Variants in THEM4 observed in about 807,000 individuals in gnomAD.
THEM4 encodes thioesterase superfamily member 4.
In THEM4, 22 loss-of-function variants were observed where a neutral mutation model predicts 25.0. The ratio of observed to expected loss-of-function variants is 0.88; its 90% CI spans 0.63 to 1.26. THEM4 has a LOEUF of 1.26. Among genes scored for constraint, THEM4 ranks in the 50% most tolerant of loss-of-function variants. The pLI, the probability that THEM4 is intolerant of heterozygous loss-of-function variation, is 0.00. For missense variants in THEM4, 286 were observed against 300.3 expected (o/e 0.95, Z 0.35); for synonymous variants, 113 against 105.6 (o/e 1.07, Z -0.43).
At chr1:151,906,321 C>T (rs570846244) in intron 1 of THEM4, among the ~76,000 whole-genome samples, 12 of 152,368 alleles carry the variant, frequency 7.9e-5, no homozygotes, top group South Asian at 2.1e-4. Flanking sequence ...CCAGCAGTGC[C>T]GGCCCACTGG....
At chr1:151,883,772 T>C (rs1653899527) in intron 4 of THEM4, among the ~76,000 whole-genome samples, 1 of 151,380 alleles carries the variant, frequency 6.6e-6, no homozygotes, top group South Asian at 2.1e-4. Context: ...TGGCCTTAAC[T>C]GTGCATTTTA....
At chr1:151,888,040 T>G (rs1229393522) in intron 4 of THEM4, among the ~76,000 whole-genome samples, 1 of 152,214 alleles carries the variant, frequency 6.6e-6, no homozygotes, top group Non-Finnish European at 1.5e-5. Flanking sequence ...AATTTCATTC[T>G]AGAGCTCTCT....
intron 1 of THEM4, among the ~76,000 whole-genome samples, chr1:151,898,205 C>T (rs560849881): frequency 1.3e-4 from 19 of 151,918 alleles, no homozygotes; most frequent in African/African-American, 3.1e-4. Flanking sequence ...TTTTCAAGCC[C>T]GTCTTGCCCT....
chr1:151,897,796 C>T (rs114602008), intron 1 of THEM4, among the ~76,000 whole-genome samples: 1 of 152,164 alleles, frequency 6.6e-6, no homozygotes, highest in African/African-American at 2.4e-5. Flanking sequence ...GAAAGAAAGA[C>T]CCTCCTCTCC....
chr1:151,895,363 A>G lies in THEM4; in HGVS notation c.100-169T>C, dbSNP rs571702250. ...CATCTGGTCCAACCTCCTTGGGAAA[A>G]TGAGAGACTGAGAGAGGGAAAATGA... is the stretch of plus-strand genomic sequence containing the variant. On this transcript the variant is annotated intron_variant, in intron 1 of 5. Transcript: ENST00000368814. 3.9e-5 allele frequency among the ~76,000 whole-genome samples: 6 copies of G among 152,274 alleles called. No homozygotes were observed. The East Asian group carries it at 5.8e-4, about 15-fold the overall frequency.
rs927037838 is a variant in THEM4, at chr1:151,871,760, C to G, written c.*3128G>C. Among the ~76,000 whole-genome samples, 3 of 151,614 alleles carry G rather than the reference C, an allele frequency of 2.0e-5. No individual in the cohort carries two copies. The highest frequency in any genetic ancestry group is 7.3e-5 in the African/African-American group (3 of 40,914). Reference sequence around the variant, plus strand: ...ATACTTAACATGAAGAAAACCTGGTCATTTGGCACTCTTTCAGTTAGGTTC... The same window carrying G: ...ATACTTAACATGAAGAAAACCTGGTGATTTGGCACTCTTTCAGTTAGGTTC... On this transcript the variant is annotated 3_prime_UTR_variant, in exon 6 of 6. Coordinates refer to ENST00000368814, the MANE Select transcript of THEM4 (RefSeq NM_053055.5).
chr1:151,878,889 T>TAC (rs144026658), intron 4 of THEM4, among the ~76,000 whole-genome samples: 2,509 of 127,630 alleles, frequency 0.02, 106 homozygotes, highest in South Asian at 0.034. Context: ...TGTATATGTC[T>TAC]ATACACACAC....
Position 151,909,441 on chromosome 1 carries a change from G to T in THEM4, c.18C>A (p.Ala6=). The T allele has an allele frequency of 7.6e-6, 11 of 1,452,494 alleles. No homozygotes were observed. Among genetic ancestry groups the T allele is most frequent in the Non-Finnish European group, 9.9e-6 (11 of 1,110,688 alleles). 90.0% of individuals were successfully genotyped at this position (1,452,494 alleles called of 1,614,324 possible). Residue 6 remains alanine (A), a synonymous_variant, in exon 1 of 6, where the codon GCC becomes GCA. Coordinates refer to ENST00000368814, the MANE Select transcript of THEM4 (RefSeq NM_053055.5). ...GAGCCCCCAGCGTGCGGAGGCGCGC[G>T]GCGCAGCTCCTCAGCATGGCTCCGG... is the stretch of plus-strand genomic sequence containing the variant. MLRSC[A]ARLRTLGALC...
At chr1:151,891,952 T>C (rs902316) in intron 2 of THEM4, among the ~76,000 whole-genome samples, 134,706 of 152,080 alleles carry the variant, frequency 0.89, 59,817 homozygotes, top group East Asian at 0.92. Flanking sequence ...GAAACAGAGG[T>C]TTTTTGTTTT....
At chr1:151,876,895 A>AC (rs922623826) in intron 5 of THEM4, 106 bp downstream of exon 5, 27 of 1,374,680 alleles carry the variant, frequency 2.0e-5, no homozygotes, top group East Asian at 7.2e-5. Context: ...AAACCAAAAC[A>AC]CCCCCCTGAC....
chr1:151,881,784 T>TATATAGAA (rs1653825666), intron 4 of THEM4, among the ~76,000 whole-genome samples: 1 of 152,226 alleles, frequency 6.6e-6, no homozygotes, highest in African/African-American at 2.4e-5. Flanking sequence ...TTCTCTATAA[T>TATATAGAA]GTCTCTAGAT....
At position 151,895,145 on chromosome 1, in the gene THEM4, T is replaced by C. The variant is rs773859264; in HGVS notation, c.149A>G (p.Asn50Ser). ...EVILKDCSVP[N>S]PSWNKDLRLL... ...TCTTAGGTCCTTGTTCCAGCTGGGG[T>C]TGGGGACAGAACAGTCCTTAAGAAT... The change falls in exon 2 of 6, where the codon AAC becomes AGC. Residue 50 changes from asparagine (N) to serine (S), a missense_variant. Coordinates refer to ENST00000368814, the MANE Select transcript of THEM4 (RefSeq NM_053055.5). The C allele has an allele frequency of 1.4e-5, 22 of 1,613,960 alleles. No homozygotes were observed. The highest frequency in any genetic ancestry group is 7.7e-5 in the South Asian group (7 of 91,074).
intron 4 of THEM4, among the ~76,000 whole-genome samples, chr1:151,881,155 T>A (rs1653803569): frequency 6.6e-6 from 1 of 152,146 alleles, no homozygotes; most frequent in Admixed American, 6.6e-5. Context: ...TATAATTTAT[T>A]TATTGTAAAT....
At chr1:151,880,965 A>G (rs1362841994) in intron 4 of THEM4, among the ~76,000 whole-genome samples, 1 of 151,698 alleles carries the variant, frequency 6.6e-6, no homozygotes, top group Non-Finnish European at 1.5e-5. Flanking sequence ...TTAAAAATTG[A>G]GTTTTACTAC....
chr1:151,889,745 A>T (rs1249203970), intron 2 of THEM4: 2 of 168,932 alleles, frequency 1.2e-5, no homozygotes, highest in Non-Finnish European at 2.6e-5. Flanking sequence ...TAAAAAATGT[A>T]ACAGAAAGGA....
chr1:151,878,888 C>CCACACACACACA (rs1558188262), intron 4 of THEM4, among the ~76,000 whole-genome samples: 1 of 13,634 alleles, frequency 7.3e-5, no homozygotes, highest in African/African-American at 2.5e-4. Flanking sequence ...TTGTATATGT[C>CCACACACACACA]TATACACACA....
At chr1:151,878,862 ATTTGT>A (rs1443422953) in intron 4 of THEM4, among the ~76,000 whole-genome samples, 1 of 135,020 alleles carries the variant, frequency 7.4e-6, no homozygotes, top group Non-Finnish European at 1.6e-5. Context: ...AAATAAAAAA[ATTTGT>A]TTTATTATAT....
At position 151,909,494 on chromosome 1, in the gene THEM4, T is replaced by G; in HGVS notation, c.-36A>C. The G allele has an allele frequency of 7.5e-7, 1 of 1,341,224 alleles. No homozygotes were observed. The highest frequency in any genetic ancestry group is 9.5e-7 in the Non-Finnish European group (1 of 1,049,266). 83.1% of individuals were successfully genotyped at this position (1,341,224 alleles called of 1,614,324 possible). Reference sequence around the variant, plus strand: ...CGCGGGGCCGCGCTTGCTCTAGCCCTGGACGGCGCACTCTACCTCCGCCAC... The same window carrying G: ...CGCGGGGCCGCGCTTGCTCTAGCCCGGGACGGCGCACTCTACCTCCGCCAC... On this transcript the variant is annotated 5_prime_UTR_variant, in exon 1 of 6. Coordinates refer to ENST00000368814, the MANE Select transcript of THEM4 (RefSeq NM_053055.5).
intron 1 of THEM4, among the ~76,000 whole-genome samples, chr1:151,900,273 A>C (rs965775269): frequency 1.3e-5 from 2 of 152,128 alleles, no homozygotes; most frequent in African/African-American, 4.8e-5. Flanking sequence ...AAAAAATAAA[A>C]AAAACCCCAC....
Sources: allele counts gnomAD v4.1 joint callset (sites outside exome capture counted in the v4.1 genomes callset), GRCh38; gene constraint gnomAD v4.1.1; transcripts MANE v1.5; gene names NCBI Gene and HGNC (gene_info 2026-07-23, HGNC 2026-07-21).